The following UBOX5 variants were observed in gnomAD, a reference collection of about 807,000 sequenced individuals.
The protein encoded by UBOX5 is RING finger protein 37.
Under a neutral mutation model 39.0 loss-of-function variants are expected in UBOX5, and 28 were observed. The ratio of observed to expected loss-of-function variants is 0.72; its 90% confidence interval spans 0.53 to 0.98. The LOEUF is 0.98. UBOX5 is among the 50% of genes least tolerant of loss of function. The pLI, the probability that UBOX5 is intolerant of heterozygous loss-of-function variation, is 0.00. For missense variants in UBOX5, 585 were observed against 674.4 expected, an observed-to-expected ratio of 0.87 and a Z score of 1.47; for synonymous variants, 283 against 275.5, an observed-to-expected ratio of 1.03 and a Z score of -0.27.
chr20:3,121,986 G>A lies in UBOX5; in HGVS notation c.653C>T (p.Pro218Leu), dbSNP rs777212682. 5 of 1,614,134 alleles carry A rather than the reference G, an allele frequency of 3.1e-6. No individual in the cohort carries two copies. In the East Asian group the frequency reaches 8.9e-5, roughly 29 times the overall value. The change falls in exon 3 of 5, where the codon CCT (proline) becomes CTT (leucine). Residue 218 changes from proline (P) to leucine (L), a missense_variant. Coordinates refer to ENST00000217173, the MANE Select transcript of UBOX5 (RefSeq NM_014948.4). Reference protein sequence around the residue: ...SILLVTSENLPQDVALQAPAL... With the variant: ...SILLVTSENLLQDVALQAPAL... ...TGGAGCCTGCAGAGCCACATCCTGAGGCAGGTTCTCTGAGGTGACCAGCAG... is the reference window on the plus strand; with the variant it reads ...TGGAGCCTGCAGAGCCACATCCTGAAGCAGGTTCTCTGAGGTGACCAGCAG...
intron 1 of UBOX5, among the ~76,000 whole-genome samples, chr20:3,133,918 A>T (rs60129897): frequency 5.9e-4 from 90 of 151,826 alleles, no homozygotes; most frequent in African/African-American, 2.1e-3. Flanking sequence ...ACATCCGGCT[A>T]ATTTTTGGGG....
chr20:3,115,257 C>A (rs569231862), intron 4 of UBOX5, 48 bp downstream of exon 4: 1 of 1,562,212 alleles, frequency 6.4e-7, no homozygotes, highest in East Asian at 2.3e-5. Context: ...AGACAGAAAA[C>A]AGACCACCCA....
At position 3,122,212 on chromosome 20, in the gene UBOX5, CA is replaced by C; in HGVS notation, c.426del (p.Phe142LeufsTer32). ...SHRGFKARPP[F>X]GAMEATLPSP... ...GAGGGGAGTGTGGCTTCCATCGCGC[CA>C]AAAGGGGGCCTGGCCTTGAAGCCCC... On this transcript the variant is annotated frameshift_variant, in exon 3 of 5. Transcript: ENST00000217173. LOFTEE classifies it high-confidence loss of function. 2 of 1,614,254 alleles carry C rather than the reference CA, an allele frequency of 1.2e-6. No individual in the cohort carries two copies. The highest frequency in any genetic ancestry group is 1.7e-6 in the Non-Finnish European group (2 of 1,180,046).
At chr20:3,146,799 T>C in intron 1 of UBOX5, 1 of 1,614,078 alleles carries the variant, frequency 6.2e-7, no homozygotes, top group Non-Finnish European at 8.5e-7. Flanking sequence ...GTGAATACTT[T>C]CTCATGAAGA....
intron 1 of UBOX5, among the ~76,000 whole-genome samples, chr20:3,150,136 A>G (rs2066609841): frequency 6.6e-6 from 1 of 152,204 alleles, no homozygotes; most frequent in South Asian, 2.1e-4. Context: ...TACTTTTTAG[A>G]AGATGCCTAC....
chr20:3,124,349 T>C (rs2148596925), intron 1 of UBOX5, among the ~76,000 whole-genome samples: 1 of 152,244 alleles, frequency 6.6e-6, no homozygotes, highest in East Asian at 1.9e-4. Flanking sequence ...GCCTGCCGAG[T>C]GCCTGCCTTG....
At chr20:3,131,625 C>T (rs781012529) in intron 1 of UBOX5, among the ~76,000 whole-genome samples, 2 of 152,222 alleles carry the variant, frequency 1.3e-5, no homozygotes, top group Non-Finnish European at 2.9e-5. Context: ...GGCAGTGAAA[C>T]TATTCTGTAT....
chr20:3,146,721 C>T lies in UBOX5; in HGVS notation c.-42+13045G>A. 3 of 1,525,822 alleles carry T rather than the reference C, an allele frequency of 2.0e-6. No individual in the cohort carries two copies. The South Asian group carries it at 3.9e-5, about 20-fold the overall frequency. The allele number at this position is 1,525,822 out of a possible 1,614,324, so 94.5% of individuals were successfully genotyped here. ...TCTGGCTTTTATAATCATTTTGCAA[C>T]ACCTGGTACAGTATACACCTATAGC... On this transcript the variant is annotated intron_variant, in intron 1 of 4. Transcript: ENST00000217173.
chr20:3,151,609 A>T (rs1365476905), intron 1 of UBOX5: 18 of 152,074 alleles, frequency 1.2e-4, no homozygotes, highest in Admixed American at 1.2e-3. Flanking sequence ...ACAACACAGC[A>T]AGACTGTCTA....
intron 1 of UBOX5, chr20:3,148,413 G>A (rs773198969): frequency 6.2e-7 from 1 of 1,614,156 alleles, no homozygotes; most frequent in Non-Finnish European, 8.5e-7. Context: ...GAATGGGAGT[G>A]AGGGATTCCT....
chr20:3,140,916 A>ATT (rs11365728), intron 1 of UBOX5, among the ~76,000 whole-genome samples: 35 of 112,000 alleles, frequency 3.1e-4, no homozygotes, highest in South Asian at 6.3e-4. Flanking sequence ...GGGTTGCCAG[A>ATT]TTTTTTTTTT....
chr20:3,158,698 TC>T lies in UBOX5; in HGVS notation c.-42+1067del, dbSNP rs550790330. ...ACCATATTAGCCAAGATGGTCTCGATCTCCTGACCTCGTGATCCGCCCGCCT... is the reference window on the plus strand; with the variant it reads ...ACCATATTAGCCAAGATGGTCTCGATTCCTGACCTCGTGATCCGCCCGCCT... On this transcript the variant is annotated intron_variant, in intron 1 of 4. Transcript: ENST00000217173. Among the ~76,000 whole-genome samples the T allele has an allele frequency of 5.0e-3, 765 of 152,260 alleles. 4 individuals are homozygous for T. The highest frequency in any genetic ancestry group is 9.3e-3 in the South Asian group (45 of 4,826).
chr20:3,135,730 G>T (rs959578888), intron 1 of UBOX5, among the ~76,000 whole-genome samples: 1 of 151,510 alleles, frequency 6.6e-6, no homozygotes, highest in East Asian at 1.9e-4. Context: ...ACAAACACAC[G>T]CAATTATTCA....
At chr20:3,138,586 G>A (rs1320253891) in intron 1 of UBOX5, among the ~76,000 whole-genome samples, 1 of 152,164 alleles carries the variant, frequency 6.6e-6, no homozygotes, top group Admixed American at 6.5e-5. Flanking sequence ...GGATCCAGGA[G>A]TTGAGTGGCC....
intron 1 of UBOX5, among the ~76,000 whole-genome samples, chr20:3,158,929 A>T (rs970639558): frequency 6.6e-6 from 1 of 151,634 alleles, no homozygotes; most frequent in Non-Finnish European, 1.5e-5. Flanking sequence ...CAGCAGCAAC[A>T]AATGACTGGA....
At chr20:3,152,341 C>T (rs1314460618) in intron 1 of UBOX5, among the ~76,000 whole-genome samples, 1 of 151,346 alleles carries the variant, frequency 6.6e-6, no homozygotes, top group Non-Finnish European at 1.5e-5. Context: ...ATTAGCCAGG[C>T]GTGGTGGTGG....
intron 3 of UBOX5, among the ~76,000 whole-genome samples, chr20:3,121,083 G>A (rs941153175): frequency 2.0e-5 from 3 of 152,130 alleles, no homozygotes; most frequent in African/African-American, 7.2e-5. Flanking sequence ...GCACATAAAG[G>A]GACCCCAAGG....
At chr20:3,132,813 G>A (rs2066439748) in intron 1 of UBOX5, among the ~76,000 whole-genome samples, 1 of 94,490 alleles carries the variant, frequency 1.1e-5, no homozygotes, top group African/African-American at 5.3e-5. Context: ...GAGTGGGACT[G>A]TCTCAAAAAA....
At chr20:3,137,302 T>C (rs1600393919) in intron 1 of UBOX5, among the ~76,000 whole-genome samples, 1 of 151,548 alleles carries the variant, frequency 6.6e-6, no homozygotes, top group African/African-American at 2.4e-5. Flanking sequence ...TGTAGACTCA[T>C]GTGTAGTTGT....
Sources: allele counts gnomAD v4.1 joint callset (sites outside exome capture counted in the v4.1 genomes callset), GRCh38; gene constraint gnomAD v4.1.1; transcripts MANE v1.5; gene names NCBI Gene and HGNC (gene_info 2026-07-23, HGNC 2026-07-21).